MRTFA: variants seen among roughly 807,000 people sequenced by gnomAD.
The protein encoded by MRTFA is myocardin related transcription factor A, also known as myocardin-related transcription factor A.
A neutral mutation model predicts 83.5 loss-of-function variants in MRTFA; 20 were observed. The ratio of observed to expected loss-of-function variants is 0.24; its 90% CI spans 0.17 to 0.35. The LOEUF (loss-of-function observed/expected upper bound fraction) is 0.35, where lower values mean the gene tolerates loss of function less well. Among genes scored for constraint, MRTFA ranks in the 10% least tolerant of loss-of-function variants. The probability of loss-of-function intolerance (pLI) is 1.00; values close to 1 mark genes in which losing one functional copy is unlikely to be tolerated. For missense variants in MRTFA, 1,200 were observed against 1,224.7 expected (o/e 0.98, Z 0.30); for synonymous variants, 659 against 541.2 (o/e 1.22, Z -3.02).
At chr22:40,507,775 C>G (rs1275636079) in intron 3 of MRTFA, among the ~76,000 whole-genome samples, 1 of 151,750 alleles carries the variant, frequency 6.6e-6, no homozygotes, top group Non-Finnish European at 1.5e-5. Context: ...CCAGCCTGAC[C>G]AACATGGCGA....
At position 40,499,476 on chromosome 22, in the gene MRTFA, T is replaced by A. The variant is rs551357766; in HGVS notation, c.242-36190A>T. On this transcript the variant is annotated intron_variant, in intron 3 of 14. Transcript: ENST00000355630. ...AGAAAAATCAAGATAAAAGGAGAGT[T>A]TCCTAACTGGCTGTAACTTGAGTAA... is the stretch of plus-strand genomic sequence containing the variant. 1.3e-3 allele frequency among the ~76,000 whole-genome samples: 205 copies of A among 152,212 alleles called. 1 individual carries two copies. The Middle Eastern group carries it at 0.014, about 10-fold the overall frequency.
intron 3 of MRTFA, among the ~76,000 whole-genome samples, chr22:40,548,372 A>AT (rs1396892146): frequency 6.6e-6 from 1 of 150,960 alleles, no homozygotes; most frequent in Non-Finnish European, 1.5e-5. Context: ...AAAAAAAAAA[A>AT]AAAAAAAATT....
chr22:40,564,794 G>A (rs2147334731), intron 2 of MRTFA, among the ~76,000 whole-genome samples: 1 of 152,214 alleles, frequency 6.6e-6, no homozygotes, highest in Non-Finnish European at 1.5e-5. Context: ...TGAGACTACA[G>A]GCACACGCCG....
At chr22:40,449,431 T>C (rs1602260133) in intron 4 of MRTFA, among the ~76,000 whole-genome samples, 1 of 152,142 alleles carries the variant, frequency 6.6e-6, no homozygotes, top group Admixed American at 6.5e-5. Flanking sequence ...AGGCCAGCAG[T>C]CCACAGCCCA....
chr22:40,495,044 TA>T (rs372774554), intron 3 of MRTFA, among the ~76,000 whole-genome samples: 2 of 150,922 alleles, frequency 1.3e-5, no homozygotes, highest in African/African-American at 4.9e-5. Context: ...TTTTTTTTTT[TA>T]AAAAAGCAGA....
intron 1 of MRTFA, among the ~76,000 whole-genome samples, chr22:40,604,028 C>A (rs2056289974): frequency 6.6e-6 from 1 of 151,704 alleles, no homozygotes; most frequent in Non-Finnish European, 1.5e-5. Flanking sequence ...ATAAATTTTA[C>A]TAATGTCATG....
intron 1 of MRTFA, among the ~76,000 whole-genome samples, chr22:40,597,505 G>C (rs889789928): frequency 6.6e-6 from 1 of 152,218 alleles, no homozygotes. Flanking sequence ...CCACAGCTTT[G>C]TATGTAGAGT....
rs1314612252 is a variant in MRTFA, at chr22:40,424,204, A to G, written c.777+2T>C. The stretch of plus-strand genomic sequence containing the variant: ...GGGAAGCATCTGGAAGCACACACTC[A>G]CCTGGGTGGGGGATGCAGAGGTGGC... On this transcript the variant is annotated splice_donor_variant, in intron 8 of 14. Transcript: ENST00000355630. LOFTEE classifies it high-confidence loss of function. 6.3e-7 allele frequency: 1 copy of G among 1,592,598 alleles called. No individual in the cohort carries two copies. Among genetic ancestry groups the G allele is most frequent in the Admixed American group, 1.8e-5 (1 of 54,722 alleles).
chr22:40,504,798 G>T (rs115190763), intron 3 of MRTFA, among the ~76,000 whole-genome samples: 1 of 152,162 alleles, frequency 6.6e-6, no homozygotes, highest in Non-Finnish European at 1.5e-5. Context: ...AAATTGGAAT[G>T]AATTCTCTGG....
At chr22:40,431,737 A>G (rs1031148386) in intron 5 of MRTFA, among the ~76,000 whole-genome samples, 3 of 152,192 alleles carry the variant, frequency 2.0e-5, no homozygotes, top group African/African-American at 7.2e-5. Flanking sequence ...CAATATATCT[A>G]TTAAAAAACT....
At chr22:40,501,935 A>G (rs2054486115) in intron 3 of MRTFA, among the ~76,000 whole-genome samples, 2 of 92,114 alleles carry the variant, frequency 2.2e-5, no homozygotes, top group Admixed American at 1.9e-4. Context: ...GCGGCTGGGC[A>G]GAGGCGCCCC....
intron 4 of MRTFA, among the ~76,000 whole-genome samples, chr22:40,455,665 CAT>C (rs2053572324): frequency 1.0e-5 from 1 of 97,486 alleles, no homozygotes; most frequent in Non-Finnish European, 2.1e-5. Flanking sequence ...AAAAAAAAAA[CAT>C]ATGGAGTGGA....
At chr22:40,428,606 T>TG in intron 7 of MRTFA, among the ~76,000 whole-genome samples, 1 of 152,296 alleles carries the variant, frequency 6.6e-6, no homozygotes, top group East Asian at 1.9e-4. Flanking sequence ...CTTGAACTCT[T>TG]GGACGCAAGC....
chr22:40,569,768 CAT>C (rs918321921), intron 2 of MRTFA: 3 of 123,952 alleles, frequency 2.4e-5, no homozygotes, highest in African/African-American at 6.1e-5. Context: ...TACATACATA[CAT>C]ACATACATCA....
chr22:40,629,544 C>G (rs574060219), intron 1 of MRTFA, among the ~76,000 whole-genome samples: 148 of 151,800 alleles, frequency 9.7e-4, no homozygotes, highest in African/African-American at 3.2e-3. Flanking sequence ...GATGGATCGC[C>G]TGAGGTCAGG....
At chr22:40,514,442 C>T (rs894683193) in intron 3 of MRTFA, among the ~76,000 whole-genome samples, 2 of 149,724 alleles carry the variant, frequency 1.3e-5, no homozygotes, top group East Asian at 1.9e-4. Context: ...GGGGGAGTTA[C>T]AGATGGCCAA....
At chr22:40,485,265 T>C (rs1464783211) in intron 3 of MRTFA, among the ~76,000 whole-genome samples, 2 of 152,166 alleles carry the variant, frequency 1.3e-5, no homozygotes, top group Non-Finnish European at 2.9e-5. Flanking sequence ...AGTATTAACA[T>C]CCATCCCTAA....
At chr22:40,633,169 G>A (rs1362299629) in intron 1 of MRTFA, among the ~76,000 whole-genome samples, 2 of 152,092 alleles carry the variant, frequency 1.3e-5, no homozygotes, top group Non-Finnish European at 2.9e-5. Context: ...GTAAAGAAAT[G>A]TTTCTTATGT....
intron 3 of MRTFA, among the ~76,000 whole-genome samples, chr22:40,519,866 AATAAGAG>A (rs985736481): frequency 1.3e-5 from 2 of 152,206 alleles, no homozygotes; most frequent in Non-Finnish European, 2.9e-5. Context: ...CCTTATAATT[AATAAGAG>A]ATAAGATAAT....
Sources: allele counts gnomAD v4.1 joint callset (sites outside exome capture counted in the v4.1 genomes callset), GRCh38; gene constraint gnomAD v4.1.1; transcripts MANE v1.5; gene names NCBI Gene and HGNC (gene_info 2026-07-23, HGNC 2026-07-21).